ASB2: variants seen among roughly 807,000 people sequenced by gnomAD.
ASB2 encodes ankyrin repeat and SOCS box containing 2, also known as ankyrin repeat and SOCS box protein 2.
In ASB2, 58 loss-of-function variants were observed where a neutral mutation model predicts 62.4. The observed-to-expected ratio is 0.93, with a 90% CI of 0.75 to 1.16. The LOEUF is 1.16. Among genes scored for constraint, ASB2 ranks in the 50% most tolerant of loss-of-function variants. The pLI is 0.00. For missense variants in ASB2, 928 were observed against 887.9 expected, an observed-to-expected ratio of 1.05 and a Z score of -0.57; for synonymous variants, 386 against 385.3, an observed-to-expected ratio of 1.00 and a Z score of -0.02.
chr14:93,939,931 A>G (rs1216891006), intron 7 of ASB2: 2 of 423,274 alleles, frequency 4.7e-6, no homozygotes, highest in South Asian at 6.5e-5. Context: ...CCAAAGTCAC[A>G]TAGCCAGTAA....
intron 1 of ASB2, among the ~76,000 whole-genome samples, chr14:93,971,644 A>C (rs1400954808): frequency 6.6e-6 from 1 of 152,202 alleles, no homozygotes; most frequent in Non-Finnish European, 1.5e-5. Context: ...GGGGAGAATC[A>C]TAACCATAAC....
intron 6 of ASB2, among the ~76,000 whole-genome samples, chr14:93,950,195 T>A (rs1353336674): frequency 6.6e-6 from 1 of 152,204 alleles, no homozygotes; most frequent in Non-Finnish European, 1.5e-5. Context: ...CCTCAACAGA[T>A]TCCTACAGTT....
At chr14:93,969,546 T>C (rs928179157) in intron 1 of ASB2, among the ~76,000 whole-genome samples, 5 of 152,210 alleles carry the variant, frequency 3.3e-5, no homozygotes, top group Admixed American at 6.5e-5. Context: ...TTCTGAGACC[T>C]CTGTCTGGGG....
At chr14:93,938,561 C>T (rs551072290) in intron 8 of ASB2, among the ~76,000 whole-genome samples, 36 of 152,288 alleles carry the variant, frequency 2.4e-4, no homozygotes, top group Admixed American at 1.5e-3. Flanking sequence ...TTTAAAGTAA[C>T]AACATGGACG....
chr14:93,953,394 G>A lies in ASB2; in HGVS notation c.592C>T (p.Pro198Ser). ...LLSLLQAGAE[P>S]DISNKSRETP... ...TCTCGGGATTTGTTGGAGATGTCCG[G>A]CTCTGCCCCTGCTTGGAGCAGTGAC... The change falls in exon 5 of 10, where the codon CCG becomes TCG. Residue 198 changes from proline to serine, a missense_variant. Coordinates refer to ENST00000555019, the MANE Select transcript of ASB2 (RefSeq NM_001202429.2). The A allele has an allele frequency of 6.2e-7, 1 of 1,600,476 alleles. No individual in the cohort carries two copies. The highest frequency in any genetic ancestry group is 8.6e-7 in the Non-Finnish European group (1 of 1,169,246).
chr14:93,939,809 G>A lies in ASB2; in HGVS notation c.1053-137C>T, dbSNP rs1567019973. 9.3e-6 allele frequency: 6 copies of A among 642,170 alleles called. No individual in the cohort carries two copies. The East Asian group carries it at 2.1e-4, about 22-fold the overall frequency. 39.8% of individuals were successfully genotyped at this position (642,170 alleles called of 1,614,324 possible). On this transcript the variant is annotated intron_variant, in intron 7 of 9. Coordinates refer to ENST00000555019, the MANE Select transcript of ASB2 (RefSeq NM_001202429.2). ...CGCGGGCTGCGACGCGGATCCCACC[G>A]GCAGGGGGCGCCGCGGGTCAACCAT...
Position 93,939,256 on chromosome 14 carries a change from G to T in ASB2, c.1469C>A (p.Ser490Ter). 1 of 1,609,878 alleles carries T rather than the reference G, an allele frequency of 6.2e-7. No individual in the cohort carries two copies. Among genetic ancestry groups the T allele is most frequent in the Non-Finnish European group, 8.5e-7 (1 of 1,177,132 alleles). Residue 490 changes from serine to a stop codon, truncating the protein, a stop_gained, in exon 8 of 10, where the codon TCG (serine) becomes TAG (stop). Transcript: ENST00000555019. LOFTEE classifies it high-confidence loss of function. ...CAGGTCCATGAGGAACTTGAGCAGC[G>T]ACAGGCACTTCATGGCGAACATGAT... ...ATIMFAMKCL[S>*]LLKFLMDLGC...
intron 5 of ASB2, among the ~76,000 whole-genome samples, chr14:93,952,532 C>A (rs1889008393): frequency 6.6e-6 from 1 of 152,208 alleles, no homozygotes. Context: ...ATTTGTAAGA[C>A]CCCAGCTGAT....
chr14:93,965,464 A>T (rs889974469), intron 1 of ASB2, among the ~76,000 whole-genome samples: 7 of 152,252 alleles, frequency 4.6e-5, no homozygotes, highest in East Asian at 1.9e-4. Flanking sequence ...AAAATCAGTC[A>T]TTAAAATAAC....
chr14:93,960,030 T>G (rs567147907), intron 2 of ASB2, among the ~76,000 whole-genome samples: 2 of 152,014 alleles, frequency 1.3e-5, no homozygotes, highest in East Asian at 3.9e-4. Context: ...CCCACCACTG[T>G]GCCGTGAGAC....
chr14:93,965,215 T>C lies in ASB2; in HGVS notation c.-73-603A>G, dbSNP rs563183702. On this transcript the variant is annotated intron_variant, in intron 1 of 9. Coordinates refer to ENST00000555019, the MANE Select transcript of ASB2 (RefSeq NM_001202429.2). ...ATTCCAGATAACCTATCTATCCATG[T>C]ATTTATGCTCACTTGTTGAGCACCC... is the stretch of plus-strand genomic sequence containing the variant. Among the ~76,000 whole-genome samples the C allele has an allele frequency of 2.6e-5, 4 of 152,346 alleles. No homozygotes were observed. In the South Asian group the frequency reaches 8.3e-4, roughly 32 times the overall value.
chr14:93,950,068 A>T (rs760896443), intron 6 of ASB2, among the ~76,000 whole-genome samples: 1 of 152,202 alleles, frequency 6.6e-6, no homozygotes, highest in African/African-American at 2.4e-5. Context: ...GTGACCAATT[A>T]GTTAACCTCT....
intron 3 of ASB2, 152 bp downstream of exon 3, chr14:93,956,614 A>AG (rs773303196): frequency 8.7e-6 from 9 of 1,038,644 alleles, no homozygotes; most frequent in Non-Finnish European, 9.9e-6. Context: ...GTGGGGCCCC[A>AG]GGGGGGCACC....
At chr14:93,950,963 G>T in intron 6 of ASB2, 36 bp downstream of exon 6, 1 of 1,591,672 alleles carries the variant, frequency 6.3e-7, no homozygotes, top group South Asian at 1.1e-5. Flanking sequence ...TGTGCCCTTT[G>T]GGGACTCCAT....
chr14:93,953,918 A>T (rs1201433215), intron 4 of ASB2, among the ~76,000 whole-genome samples: 1 of 152,184 alleles, frequency 6.6e-6, no homozygotes, highest in African/African-American at 2.4e-5. Context: ...GTAGGAAGAC[A>T]GGGCTCAGAG....
At chr14:93,952,395 A>T (rs1477740502) in intron 5 of ASB2, among the ~76,000 whole-genome samples, 2 of 152,226 alleles carry the variant, frequency 1.3e-5, no homozygotes, top group African/African-American at 4.8e-5. Flanking sequence ...AGACACTTCC[A>T]TGGTGGGTCT....
At chr14:93,968,268 T>C (rs1340339262) in intron 1 of ASB2, 1 of 152,192 alleles carries the variant, frequency 6.6e-6, no homozygotes, top group Non-Finnish European at 1.5e-5. Flanking sequence ...ATTGGCCAAT[T>C]ATCCATGTCA....
rs1047431681 is a variant in ASB2, at chr14:93,951,357, C to T, written c.635-113G>A. 4 of 1,277,944 alleles carry T rather than the reference C, an allele frequency of 3.1e-6. No individual in the cohort carries two copies. In the African/African-American group the frequency reaches 5.9e-5, roughly 19 times the overall value. 79.2% of individuals were successfully genotyped at this position (1,277,944 alleles called of 1,614,324 possible). On this transcript the variant is annotated intron_variant, in intron 5 of 9. Transcript: ENST00000555019. ...CATCCACTCATTCAGCTTTCCACTG[C>T]ATGTGTATTAAGTTCCAATCCCTGC...
In ASB2 at chr14:93,937,798, G is replaced by A. The variant is rs146138244; in HGVS notation, c.1671C>T (p.Ile557=). The A allele has an allele frequency of 5.1e-5, 82 of 1,611,580 alleles. No homozygotes were observed. Among genetic ancestry groups the A allele is most frequent in the Non-Finnish European group, 6.5e-5 (76 of 1,178,018 alleles). ...PEVSRWAGPI[I]DVLLDYVGNV... is the part of the protein sequence containing the mutation. ...TGCCCACGTAGTCCAGGAGGACATCGATGATGGGCCCCGCCCAGCGGCTCA... is the reference window on the plus strand; with the variant it reads ...TGCCCACGTAGTCCAGGAGGACATCAATGATGGGCCCCGCCCAGCGGCTCA... Residue 557 remains isoleucine (I), a synonymous_variant, in exon 9 of 10, where the codon ATC becomes ATT. Transcript: ENST00000555019.
Sources: allele counts gnomAD v4.1 joint callset (sites outside exome capture counted in the v4.1 genomes callset), GRCh38; gene constraint gnomAD v4.1.1; transcripts MANE v1.5; gene names NCBI Gene and HGNC (gene_info 2026-07-23, HGNC 2026-07-21).